Variants in GRID2 observed in about 807,000 individuals in gnomAD.
GRID2 encodes glutamate receptor ionotropic, delta-2.
A neutral mutation model predicts 114.8 loss-of-function variants in GRID2; 33 were observed. The ratio of observed to expected loss-of-function variants is 0.29; its 90% CI spans 0.22 to 0.38. The LOEUF (loss-of-function observed/expected upper bound fraction) is 0.38. Among genes scored for constraint, GRID2 ranks in the 10% least tolerant of loss-of-function variants. GRID2 has a pLI of 1.00. For synonymous variants in GRID2, 505 were observed against 449.9 expected, an observed-to-expected ratio of 1.12 and a Z score of -1.55; for missense variants, 1,184 against 1,257.7, an observed-to-expected ratio of 0.94 and a Z score of 0.89.
At chr4:93,231,667 C>A (rs1746165275) in intron 7 of GRID2, among the ~76,000 whole-genome samples, 1 of 152,082 alleles carries the variant, frequency 6.6e-6, no homozygotes, top group Non-Finnish European at 1.5e-5. Context: ...ACAGTCATTG[C>A]AAAACTAGAA....
chr4:93,101,936 A>G (rs1206637828), intron 3 of GRID2, among the ~76,000 whole-genome samples: 1 of 152,144 alleles, frequency 6.6e-6, no homozygotes, highest in Non-Finnish European at 1.5e-5. Context: ...TAGCATTATC[A>G]CATTAAAATA....
intron 2 of GRID2, among the ~76,000 whole-genome samples, chr4:92,903,535 A>G (rs1747736211): frequency 6.6e-6 from 1 of 151,960 alleles, no homozygotes; most frequent in South Asian, 2.1e-4. Context: ...ATAAATTTCA[A>G]ATGGTTAAAT....
At chr4:93,464,670 C>T (rs985592104) in intron 11 of GRID2, among the ~76,000 whole-genome samples, 2 of 152,108 alleles carry the variant, frequency 1.3e-5, no homozygotes, top group Non-Finnish European at 2.9e-5. Context: ...TAGTGAACTA[C>T]ATTTTTATGG....
intron 2 of GRID2, among the ~76,000 whole-genome samples, chr4:92,740,755 G>C (rs1419671478): frequency 7.2e-6 from 1 of 138,814 alleles, no homozygotes; most frequent in Admixed American, 7.1e-5. Context: ...TAGATAGATA[G>C]ACAGATAGAT....
intron 4 of GRID2, among the ~76,000 whole-genome samples, chr4:93,187,181 A>T (rs927904208): frequency 3.9e-5 from 6 of 152,188 alleles, no homozygotes; most frequent in African/African-American, 1.4e-4. Flanking sequence ...GAGGGAACAC[A>T]TTCAAGCCAC....
chr4:92,985,045 A>C, intron 2 of GRID2, among the ~76,000 whole-genome samples: 1 of 152,072 alleles, frequency 6.6e-6, no homozygotes. Flanking sequence ...TTGGAAAAAC[A>C]TATGAGGGGG....
intron 8 of GRID2, among the ~76,000 whole-genome samples, chr4:93,294,573 G>C (rs748154644): frequency 1.3e-5 from 2 of 152,206 alleles, no homozygotes; most frequent in Non-Finnish European, 2.9e-5. Flanking sequence ...CTGTTTGCTG[G>C]TTTGTGACAG....
chr4:92,830,960 A>T (rs1387318427), intron 2 of GRID2, among the ~76,000 whole-genome samples: 2 of 152,140 alleles, frequency 1.3e-5, no homozygotes, highest in Non-Finnish European at 2.9e-5. Context: ...GAGGAGATAG[A>T]ATGGTTAAGC....
chr4:93,256,012 A>AT (rs1749541417), intron 8 of GRID2, among the ~76,000 whole-genome samples: 1 of 152,126 alleles, frequency 6.6e-6, no homozygotes, highest in Admixed American at 6.6e-5. Flanking sequence ...ATTTTTCTAT[A>AT]AGGTAAATCA....
At chr4:92,514,764 C>T (rs944678257) in intron 1 of GRID2, among the ~76,000 whole-genome samples, 4 of 151,830 alleles carry the variant, frequency 2.6e-5, no homozygotes, top group Non-Finnish European at 4.4e-5. Context: ...TCTATGGCTG[C>T]TGCTGCTGCT....
intron 4 of GRID2, among the ~76,000 whole-genome samples, chr4:93,201,735 G>T (rs1410278468): frequency 6.6e-6 from 1 of 152,168 alleles, no homozygotes. Context: ...ACAAGCTCGG[G>T]CAGGGTTGTT....
Position 93,163,311 on chromosome 4 carries a change from A to G in GRID2, c.736-44093A>G, listed in dbSNP as rs566764971. Among the ~76,000 whole-genome samples the G allele has an allele frequency of 3.5e-5, 5 of 143,982 alleles. No homozygotes were observed. In the East Asian group the frequency reaches 1.0e-3, roughly 29 times the overall value. 94.5% of individuals were successfully genotyped at this position (143,982 alleles called of 152,430 possible). A position where few individuals can be genotyped will look rare whatever the true frequency, so the allele number is the denominator to read the frequency against. On this transcript the variant is annotated intron_variant, in intron 4 of 15. Transcript: ENST00000282020. ...TCAAGAGTGGTTATCTCAAGACAGT[A>G]AGATTATAAATGCCTTTATTTTCCA...
chr4:93,238,802 CTT>C (rs1263000824), intron 8 of GRID2, among the ~76,000 whole-genome samples: 3 of 151,628 alleles, frequency 2.0e-5, no homozygotes, highest in Non-Finnish European at 4.4e-5. Flanking sequence ...TATTTATACA[CTT>C]TGTAGCTGCT....
Position 93,422,947 on chromosome 4 carries a change from G to A in GRID2, c.1524G>A (p.Leu508=), listed in dbSNP as rs748665619. 1.9e-6 allele frequency: 3 copies of A among 1,609,840 alleles called. No homozygotes were observed. Among genetic ancestry groups the A allele is most frequent in the Non-Finnish European group, 2.6e-6 (3 of 1,176,282 alleles). ...AAGAAGATGGGACATGGAATGGCTT[G>A]GTAGGAGAACTTGTCTTTAAGGTAA... ...SPQEDGTWNG[L]VGELVFKRAD... The change falls in exon 10 of 16, where the codon TTG becomes TTA. Residue 508 remains leucine (L), a synonymous_variant. Coordinates refer to ENST00000282020, the MANE Select transcript of GRID2 (RefSeq NM_001510.4).
intron 6 of GRID2, among the ~76,000 whole-genome samples, chr4:93,220,109 G>A (rs1744702192): frequency 6.6e-6 from 1 of 152,042 alleles, no homozygotes; most frequent in African/African-American, 2.4e-5. Context: ...GATTCTCATG[G>A]AGTTTAGCAT....
At chr4:92,911,339 T>C (rs1748364330) in intron 2 of GRID2, among the ~76,000 whole-genome samples, 1 of 152,070 alleles carries the variant, frequency 6.6e-6, no homozygotes, top group Admixed American at 6.6e-5. Flanking sequence ...CTACTTACCT[T>C]TTCTTTGCGA....
chr4:93,266,951 A>T (rs1414507610), intron 8 of GRID2, among the ~76,000 whole-genome samples: 1 of 76,030 alleles, frequency 1.3e-5, no homozygotes, highest in Non-Finnish European at 2.7e-5. Context: ...CCACCCTCCC[A>T]CCCTTCTGAT....
chr4:92,509,986 G>A (rs981953469), intron 1 of GRID2, among the ~76,000 whole-genome samples: 9 of 151,970 alleles, frequency 5.9e-5, no homozygotes, highest in African/African-American at 2.2e-4. Context: ...TTTTTCAGCA[G>A]GCTAATGTCA....
At chr4:92,824,065 G>A (rs1741488994) in intron 2 of GRID2, among the ~76,000 whole-genome samples, 1 of 152,152 alleles carries the variant, frequency 6.6e-6, no homozygotes, top group Non-Finnish European at 1.5e-5. Context: ...GGGGAGATAG[G>A]ATGAAGTGAA....
Sources: allele counts gnomAD v4.1 joint callset (sites outside exome capture counted in the v4.1 genomes callset), GRCh38; gene constraint gnomAD v4.1.1; transcripts MANE v1.5; gene names NCBI Gene and HGNC (gene_info 2026-07-23, HGNC 2026-07-21).